The following EYA4 variants were observed in gnomAD, a reference collection of about 807,000 sequenced individuals.
EYA4 encodes EYA transcriptional coactivator and phosphatase 4, also known as protein phosphatase EYA4.
EYA4 carries 31 observed loss-of-function variants against 87.9 expected under a neutral mutation model. That is an observed-to-expected ratio of 0.35 (90% CI 0.27 to 0.48). The LOEUF is 0.48. EYA4 is among the 20% of genes least tolerant of loss of function. The pLI is 0.99. For synonymous variants in EYA4, 263 were observed against 270.6 expected (o/e 0.97, Z 0.28); for missense variants, 678 against 761.4 (o/e 0.89, Z 1.29).
At chr6:133,376,537 T>G (rs1785698604) in intron 2 of EYA4, among the ~76,000 whole-genome samples, 1 of 151,946 alleles carries the variant, frequency 6.6e-6, no homozygotes, top group Non-Finnish European at 1.5e-5. Flanking sequence ...ATCAGAACTA[T>G]TCACTAGAAG....
At chr6:133,269,611 T>G (rs531602539) in intron 1 of EYA4, among the ~76,000 whole-genome samples, 1 of 152,324 alleles carries the variant, frequency 6.6e-6, no homozygotes, top group Admixed American at 6.5e-5. Context: ...TAACATGTAC[T>G]TTGGAAAATA....
At chr6:133,445,617 C>A (rs1418123933) in intron 3 of EYA4, among the ~76,000 whole-genome samples, 1 of 148,898 alleles carries the variant, frequency 6.7e-6, no homozygotes. Flanking sequence ...CTCGCTCTGT[C>A]GCTCCGGCTG....
At chr6:133,522,836 T>C (rs1003874589) in intron 17 of EYA4, among the ~76,000 whole-genome samples, 1 of 152,156 alleles carries the variant, frequency 6.6e-6, no homozygotes, top group Non-Finnish European at 1.5e-5. Flanking sequence ...TGACGAAATA[T>C]TTTGTAGAAC....
At chr6:133,332,711 A>ATTTTTTTTTTTTTTTTTTTTTTT (rs71003634) in intron 2 of EYA4, among the ~76,000 whole-genome samples, 3 of 124,892 alleles carry the variant, frequency 2.4e-5, no homozygotes, top group Non-Finnish European at 3.3e-5. Flanking sequence ...GCCCAGCTAA[A>ATTTTTTTTTTTTTTTTTTTTTTT]TTTTTTTTTT....
At chr6:133,347,619 T>C (rs964383784) in intron 2 of EYA4, among the ~76,000 whole-genome samples, 2 of 152,212 alleles carry the variant, frequency 1.3e-5, no homozygotes, top group Non-Finnish European at 2.9e-5. Flanking sequence ...TTATGCATTA[T>C]TCTATGCCAA....
chr6:133,358,741 A>G (rs532852833), intron 2 of EYA4, among the ~76,000 whole-genome samples: 2 of 152,334 alleles, frequency 1.3e-5, no homozygotes, highest in Non-Finnish European at 2.9e-5. Flanking sequence ...TGATGGAAAA[A>G]TGGACATACA....
intron 2 of EYA4, among the ~76,000 whole-genome samples, chr6:133,275,096 A>C (rs2128269370): frequency 6.6e-6 from 1 of 152,290 alleles, no homozygotes; most frequent in South Asian, 2.1e-4. Context: ...GACAGTCTAA[A>C]CAATTTTATA....
chr6:133,379,168 A>T (rs938029528), intron 2 of EYA4, among the ~76,000 whole-genome samples: 5 of 152,058 alleles, frequency 3.3e-5, no homozygotes, highest in African/African-American at 1.2e-4. Flanking sequence ...GTTACGTGGA[A>T]GGCTGAGACA....
rs1456292767 is a variant in EYA4, at chr6:133,385,389, CTCTGTGTGTGTGTGTGTGTGTG to C, written c.83+2950_83+2971del. 1.3e-3 allele frequency among the ~76,000 whole-genome samples: 87 copies of C among 64,976 alleles called. 1 individual carries two copies. Among genetic ancestry groups the C allele is most frequent in the Middle Eastern group, 0.01 (1 of 96 alleles). 42.6% of individuals were successfully genotyped at this position (64,976 alleles called of 152,430 possible). Reference sequence around the variant, plus strand: ...TCCTCTGTGTGTGTATGTATGCTCTCTCTGTGTGTGTGTGTGTGTGTGTGTGTGTGTGTGTGTGTGTGTGTGT... The same window carrying C: ...TCCTCTGTGTGTGTATGTATGCTCTCTGTGTGTGTGTGTGTGTGTGTGTGT... On this transcript the variant is annotated intron_variant, in intron 3 of 19. Coordinates refer to ENST00000355286, the MANE Select transcript of EYA4 (RefSeq NM_004100.5).
intron 2 of EYA4, among the ~76,000 whole-genome samples, chr6:133,370,306 T>G (rs964255918): frequency 6.6e-6 from 1 of 152,218 alleles, no homozygotes; most frequent in Non-Finnish European, 1.5e-5. Flanking sequence ...TAGCTTTTGG[T>G]TGAAGCGTTA....
chr6:133,303,277 G>A (rs1019071544), intron 2 of EYA4, among the ~76,000 whole-genome samples: 1 of 152,028 alleles, frequency 6.6e-6, no homozygotes, highest in African/African-American at 2.4e-5. Flanking sequence ...ATATTTGGTA[G>A]GACTAGATAC....
At chr6:133,457,765 A>T (rs961828694) in intron 6 of EYA4, among the ~76,000 whole-genome samples, 17 of 152,168 alleles carry the variant, frequency 1.1e-4, no homozygotes, top group Non-Finnish European at 1.6e-4. Flanking sequence ...TGTATTGCAC[A>T]CTTACCATAG....
chr6:133,349,058 T>C (rs1783433479), intron 2 of EYA4, among the ~76,000 whole-genome samples: 1 of 152,194 alleles, frequency 6.6e-6, no homozygotes, highest in Non-Finnish European at 1.5e-5. Flanking sequence ...GGATGTGGTC[T>C]TTGAATGTGC....
At chr6:133,506,400 A>C in intron 14 of EYA4, 1 of 472,312 alleles carries the variant, frequency 2.1e-6, no homozygotes, top group South Asian at 2.3e-5. Context: ...TGTAGAACAA[A>C]AATGTCTCTG....
rs111967263 is a variant in EYA4, at chr6:133,242,019, C to T, written c.-66+270C>T. Among the ~76,000 whole-genome samples the T allele has an allele frequency of 5.4e-3, 828 of 152,340 alleles. 4 individuals are homozygous for T. The highest frequency in any genetic ancestry group is 0.01 in the Middle Eastern group (3 of 294). ...CGTCCCCAAGCCCCAAGGGTCCCTT[C>T]CGAGCCTGCCTGTCCCTTCCGGGGT... On this transcript the variant is annotated intron_variant, in intron 1 of 19. Coordinates refer to ENST00000355286, the MANE Select transcript of EYA4 (RefSeq NM_004100.5).
At chr6:133,252,627 G>A (rs988904245) in intron 1 of EYA4, among the ~76,000 whole-genome samples, 2 of 152,076 alleles carry the variant, frequency 1.3e-5, no homozygotes, top group African/African-American at 2.4e-5. Context: ...GAACAATAAT[G>A]TTCACATAAA....
intron 13 of EYA4, 151 bp from the exon 14 acceptor site, chr6:133,505,955 C>T (rs1798574920): frequency 3.1e-6 from 2 of 643,070 alleles, no homozygotes; most frequent in South Asian, 3.5e-5. Context: ...TGGAAAGTCA[C>T]CTTTTTGGAA....
intron 9 of EYA4, among the ~76,000 whole-genome samples, chr6:133,463,391 G>A (rs1446604779): frequency 8.8e-5 from 11 of 125,242 alleles, no homozygotes; most frequent in African/African-American, 2.2e-4. Flanking sequence ...ATGCAGTCTC[G>A]CTCTGTTGCC....
intron 3 of EYA4, among the ~76,000 whole-genome samples, chr6:133,392,214 A>G (rs1175374117): frequency 6.6e-6 from 1 of 152,144 alleles, no homozygotes; most frequent in Non-Finnish European, 1.5e-5. Flanking sequence ...TTCGGCTCTC[A>G]AATACCAATT....
Sources: gnomAD v4.1 joint callset for allele counts (sites outside exome capture counted in the v4.1 genomes callset) on GRCh38, gnomAD v4.1.1 for gene constraint, MANE v1.5 for transcripts, NCBI Gene and HGNC (gene_info 2026-07-23, HGNC 2026-07-21) for gene names.